The following LMLN variants were observed in gnomAD, a reference collection of about 807,000 sequenced individuals.
LMLN encodes leishmanolysin-like peptidase.
A neutral mutation model predicts 92.3 loss-of-function variants in LMLN; 70 were observed. That is an observed-to-expected ratio of 0.76 (90% CI 0.63 to 0.92). LMLN has a LOEUF of 0.92. Among genes scored for constraint, LMLN ranks in the 40% least tolerant of loss-of-function variants. The pLI, the probability that LMLN is intolerant of heterozygous loss-of-function variation, is 0.00. For synonymous variants in LMLN, 308 were observed against 296.2 expected (o/e 1.04, Z -0.41); for missense variants, 691 against 814.6 (o/e 0.85, Z 1.85).
At chr3:198,006,027 A>G (rs1355747366) in intron 11 of LMLN, among the ~76,000 whole-genome samples, 1 of 152,122 alleles carries the variant, frequency 6.6e-6, no homozygotes, top group Non-Finnish European at 1.5e-5. Context: ...TGAGGCAAGG[A>G]AACAGCTTGA....
intron 1 of LMLN, among the ~76,000 whole-genome samples, chr3:197,962,349 T>C (rs541812416): frequency 1.9e-4 from 29 of 152,346 alleles, no homozygotes; most frequent in African/African-American, 3.6e-4. Context: ...TGAATACTTA[T>C]ATCACAATTT....
At chr3:197,984,087 AT>A (rs1209609626) in intron 7 of LMLN, 39 bp downstream of exon 7, 3 of 1,283,604 alleles carry the variant, frequency 2.3e-6, no homozygotes, top group Non-Finnish European at 3.4e-6. Flanking sequence ...TCATGCCTTG[AT>A]TTTCTGCTTA....
exon 13 of LMLN, chr3:198,021,470 C>T: frequency 1.2e-6 from 2 of 1,614,020 alleles, no homozygotes; most frequent in Non-Finnish European, 8.5e-7. Flanking sequence ...CAGTGGAATA[C>T]CTGCAGAAGA....
At chr3:197,962,604 T>C (rs1166706656) in intron 1 of LMLN, among the ~76,000 whole-genome samples, 2 of 152,242 alleles carry the variant, frequency 1.3e-5, no homozygotes, top group East Asian at 3.8e-4. Context: ...ATATTAGTTA[T>C]GGTTGCTGCA....
intron 1 of LMLN, among the ~76,000 whole-genome samples, chr3:197,964,406 G>GT (rs71225232): frequency 0.011 from 1,491 of 135,896 alleles, 15 homozygotes; most frequent in Non-Finnish European, 0.014. Flanking sequence ...TTTGTTTTTT[G>GT]TTTTTTTTTT....
chr3:197,979,521 T>C (rs1203568560), intron 5 of LMLN, among the ~76,000 whole-genome samples: 3 of 151,992 alleles, frequency 2.0e-5, no homozygotes, highest in Middle Eastern at 3.2e-3. Flanking sequence ...TCTATATATA[T>C]TTAAAAAATT....
intron 13 of LMLN, among the ~76,000 whole-genome samples, chr3:198,023,240 A>G (rs904710693): frequency 3.9e-5 from 6 of 151,980 alleles, no homozygotes; most frequent in African/African-American, 1.2e-4. Flanking sequence ...CCCAAGTTGG[A>G]GTGCAGTGGC....
At chr3:197,972,946 T>C (rs1018197075) in intron 1 of LMLN, among the ~76,000 whole-genome samples, 4 of 152,204 alleles carry the variant, frequency 2.6e-5, no homozygotes, top group South Asian at 2.1e-4. Context: ...TTTCTGGTGA[T>C]ACAAGTTCTG....
At chr3:198,007,074 T>G (rs1050717193) in intron 11 of LMLN, among the ~76,000 whole-genome samples, 1 of 134,940 alleles carries the variant, frequency 7.4e-6, no homozygotes, top group Non-Finnish European at 1.5e-5. Flanking sequence ...TTGGGTATTT[T>G]GGGTAGTAGT....
Position 198,017,089 on chromosome 3 carries a change from T to C in LMLN, c.1233-2164T>C, listed in dbSNP as rs1351161626. ...GTGAGCAATGGTTGTGCCACTGCAC[T>C]CCAGCCTGGGCAACGAAACCCTGTC... On this transcript the variant is annotated intron_variant, in intron 11 of 15. Transcript: ENST00000330198. Among the ~76,000 whole-genome samples, 5 of 151,774 alleles carry C rather than the reference T, an allele frequency of 3.3e-5. No homozygotes were observed. In the East Asian group the frequency reaches 9.6e-4, roughly 29 times the overall value.
intron 10 of LMLN, 86 bp downstream of exon 10, chr3:197,996,368 C>T (rs918695246): frequency 4.7e-6 from 4 of 852,950 alleles, no homozygotes; most frequent in Non-Finnish European, 7.1e-6. Context: ...AGGTTATAAA[C>T]TGAAAAATGT....
chr3:198,010,866 C>T (rs1019886618), intron 11 of LMLN, among the ~76,000 whole-genome samples: 2 of 152,172 alleles, frequency 1.3e-5, no homozygotes, highest in African/African-American at 4.8e-5. Flanking sequence ...AGCTTTATCT[C>T]ACAAATTCCA....
At chr3:197,997,426 C>G (rs1324055957) in intron 10 of LMLN, among the ~76,000 whole-genome samples, 1 of 152,216 alleles carries the variant, frequency 6.6e-6, no homozygotes, top group Non-Finnish European at 1.5e-5. Context: ...CATTCCGCAC[C>G]TGGCTACTCT....
rs141734567 is a variant in LMLN at position 197,976,668 on chromosome 3, G to A, written c.502G>A (p.Ala168Thr). Residue 168 changes from alanine (A) to threonine (T), a missense_variant, in exon 5 of 16, where the codon GCA becomes ACA. Transcript: ENST00000330198. Reference sequence around the variant, plus strand: ...CAGGTACTGCACCGGGGAGTGTGCCGCACACACAAAGTGCGGCCCCGTTAT... The same window carrying A: ...CAGGTACTGCACCGGGGAGTGTGCCACACACACAAAGTGCGGCCCCGTTAT... The A allele has an allele frequency of 1.2e-4, 192 of 1,590,288 alleles. 1 individual carries two copies. The African/African-American group carries it at 1.7e-3, about 14-fold the overall frequency.
intron 1 of LMLN, among the ~76,000 whole-genome samples, chr3:197,972,871 T>C (rs1721268357): frequency 6.6e-6 from 1 of 152,174 alleles, no homozygotes; most frequent in South Asian, 2.1e-4. Context: ...CTGGGTTTCA[T>C]ATGCAGATTT....
Position 198,038,481 on chromosome 3 carries a change from C to T in LMLN, c.1868-86C>T, listed in dbSNP as rs1221459087. The stretch of plus-strand genomic sequence containing the variant: ...TGGTCCTTGTTTACTTTTTAATAAT[C>T]ACTGCTCTTCATCTGTCAATATTTA... On this transcript the variant is annotated intron_variant, in intron 15 of 15. Transcript: ENST00000330198. 8 of 949,210 alleles carry T rather than the reference C, an allele frequency of 8.4e-6. No homozygotes were observed. In the East Asian group the frequency reaches 1.9e-4, roughly 23 times the overall value. The allele number at this position is 949,210 out of a possible 1,614,324, so 58.8% of individuals were successfully genotyped here. A position where few individuals can be genotyped will look rare whatever the true frequency, so the allele number is the denominator to read the frequency against.
intron 6 of LMLN, chr3:197,980,738 G>A (rs756077360): frequency 1.4e-4 from 55 of 381,846 alleles, no homozygotes; most frequent in Non-Finnish European, 2.4e-4. Context: ...GAAGCACTTC[G>A]TTTGACTTTT....
chr3:197,966,204 G>A (rs557164682), intron 1 of LMLN, among the ~76,000 whole-genome samples: 10 of 152,146 alleles, frequency 6.6e-5, no homozygotes, highest in South Asian at 2.1e-4. Context: ...CATCATGCCC[G>A]GCTAATTTTT....
chr3:197,971,926 A>ATTC (rs1254419781), intron 1 of LMLN, among the ~76,000 whole-genome samples: 1 of 124,932 alleles, frequency 8.0e-6, no homozygotes, highest in Non-Finnish European at 1.6e-5. Flanking sequence ...CTTGGTACCC[A>ATTC]TTCTCTGAGT....
Sources: allele counts gnomAD v4.1 joint callset (sites outside exome capture counted in the v4.1 genomes callset), GRCh38; gene constraint gnomAD v4.1.1; transcripts MANE v1.5; gene names NCBI Gene and HGNC (gene_info 2026-07-23, HGNC 2026-07-21).